The following RARB variants were observed in gnomAD, a reference collection of about 807,000 sequenced individuals.
RARB encodes the protein retinoic acid receptor beta.
Under a neutral mutation model 51.9 loss-of-function variants are expected in RARB, and 17 were observed. The ratio of observed to expected loss-of-function variants is 0.33; its 90% CI spans 0.22 to 0.49. RARB has a LOEUF of 0.49. Ranked by LOEUF, RARB falls within the 20% of genes least tolerant of loss-of-function variation. The pLI, the probability that RARB is intolerant of heterozygous loss-of-function variation, is 0.99. For synonymous variants in RARB, 215 were observed against 195.4 expected (o/e 1.10, Z -0.84); for missense variants, 369 against 550.8 (o/e 0.67, Z 3.30).
chr3:24,851,605 C>T (rs115439358), intron 1 of RARB, among the ~76,000 whole-genome samples: 4,161 of 152,168 alleles, frequency 0.027, 82 homozygotes, highest in Middle Eastern at 0.058. Flanking sequence ...CAGAAACTGG[C>T]AATAAATGTT....
At chr3:25,202,948 G>A (rs1701434498) in intron 5 of RARB, among the ~76,000 whole-genome samples, 1 of 152,140 alleles carries the variant, frequency 6.6e-6, no homozygotes, top group Admixed American at 6.5e-5. Context: ...ATGTCTATTA[G>A]GTCTGCTTGG....
chr3:25,517,362 T>C (rs1324927836), intron 3 of RARB, among the ~76,000 whole-genome samples: 1 of 151,914 alleles, frequency 6.6e-6, no homozygotes, highest in African/African-American at 2.4e-5. Flanking sequence ...CCAAAGAAAA[T>C]ATACAAATAA....
chr3:24,861,360 A>G (rs1043947680), intron 2 of RARB, among the ~76,000 whole-genome samples: 8 of 152,072 alleles, frequency 5.3e-5, no homozygotes, highest in African/African-American at 1.9e-4. Flanking sequence ...TCAGTCCTCT[A>G]TGGTACCAAA....
At chr3:24,914,890 A>C (rs1403260907) in intron 2 of RARB, among the ~76,000 whole-genome samples, 3 of 152,228 alleles carry the variant, frequency 2.0e-5, no homozygotes, top group Non-Finnish European at 4.4e-5. Flanking sequence ...CCTGTGCACT[A>C]TAAATGTACC....
intron 5 of RARB, among the ~76,000 whole-genome samples, chr3:25,238,840 A>G (rs997077232): frequency 3.9e-5 from 6 of 152,108 alleles, no homozygotes; most frequent in African/African-American, 1.2e-4. Context: ...TTAGCCAGGC[A>G]TGATGGCGCG....
upstream of RARB, among the ~76,000 whole-genome samples, chr3:25,426,641 C>G (rs952960439): frequency 2.0e-5 from 3 of 152,270 alleles, no homozygotes; most frequent in African/African-American, 7.2e-5. Context: ...GAGACTCTCC[C>G]TCCCTGCCTA....
At chr3:24,915,943 A>C (rs947889013) in intron 2 of RARB, among the ~76,000 whole-genome samples, 8 of 152,190 alleles carry the variant, frequency 5.3e-5, no homozygotes, top group Non-Finnish European at 1.0e-4. Context: ...AAGCAAGTTC[A>C]CAGGAGTCAG....
chr3:25,382,070 A>C (rs1431217466), intron 5 of RARB, among the ~76,000 whole-genome samples: 1 of 152,220 alleles, frequency 6.6e-6, no homozygotes, highest in Non-Finnish European at 1.5e-5. Flanking sequence ...CATTAGCATC[A>C]TATCATGTCT....
intron 3 of RARB, among the ~76,000 whole-genome samples, chr3:25,533,661 G>C (rs1699017558): frequency 6.6e-6 from 1 of 152,104 alleles, no homozygotes; most frequent in Non-Finnish European, 1.5e-5. Context: ...CCCAGTCATT[G>C]GCAGAAATCA....
rs1701929540 is a variant in RARB, at chr3:25,597,736, A to AAGTGTC, written c.*1124_*1129dup. The AAGTGTC allele has an allele frequency of 6.6e-6, 1 of 152,462 alleles. No homozygotes were observed. The highest frequency in any genetic ancestry group is 1.5e-5 in the Non-Finnish European group (1 of 68,038). The allele number at this position is 152,462 out of a possible 1,614,324, so 9.4% of individuals were successfully genotyped here. ...CTGTGGTAGAGTGGTTAACAGATACAAGTGTCAGTTTCTTAGTTCTCATTT... is the reference window on the plus strand; with the variant it reads ...CTGTGGTAGAGTGGTTAACAGATACAAGTGTCAGTGTCAGTTTCTTAGTTCTCATTT... On this transcript the variant is annotated 3_prime_UTR_variant, in exon 8 of 8. Transcript: ENST00000330688.
intron 5 of RARB, among the ~76,000 whole-genome samples, chr3:25,383,462 G>C (rs1706690861): frequency 6.6e-6 from 1 of 152,140 alleles, no homozygotes; most frequent in Admixed American, 6.5e-5. Flanking sequence ...TATTTTCCCA[G>C]ATTTCAAGTT....
Position 25,428,324 on chromosome 3 carries a change from G to C in RARB, c.-408G>C. ...AGGAGGGTCTATTCTTTGCCAAAGG[G>C]GGGACCAGAATTCCCCCATGCGAGC... On this transcript the variant is annotated 5_prime_UTR_variant, in exon 1 of 8. Coordinates refer to ENST00000330688, the MANE Select transcript of RARB (RefSeq NM_000965.5). 8.0e-7 allele frequency: 1 copy of C among 1,245,832 alleles called. No individual in the cohort carries two copies. The highest frequency in any genetic ancestry group is 1.5e-5 in the African/African-American group (1 of 64,920). The allele number at this position is 1,245,832 out of a possible 1,614,324, so 77.2% of individuals were successfully genotyped here. A position where few individuals can be genotyped will look rare whatever the true frequency, so the allele number is the denominator to read the frequency against.
Position 25,286,394 on chromosome 3 carries a change from G to C in RARB, c.178+111819G>C, listed in dbSNP as rs1243763129. Reference sequence around the variant, plus strand: ...TGAGACACTGTGCCCAGCCCAACTTGATCCTTCTCTTACAACCTCTCTTGA... The same window carrying C: ...TGAGACACTGTGCCCAGCCCAACTTCATCCTTCTCTTACAACCTCTCTTGA... On this transcript the variant is annotated intron_variant, in intron 5 of 11. Transcript: ENST00000383772. Among the ~76,000 whole-genome samples, 3 of 152,038 alleles carry C rather than the reference G, an allele frequency of 2.0e-5. 1 individual carries two copies. The highest frequency in any genetic ancestry group is 4.4e-5 in the Non-Finnish European group (3 of 67,996).
At chr3:25,326,243 G>A (rs1402419353) in intron 5 of RARB, among the ~76,000 whole-genome samples, 1 of 152,194 alleles carries the variant, frequency 6.6e-6, no homozygotes, top group Non-Finnish European at 1.5e-5. Flanking sequence ...ACCTGCTAAA[G>A]TCAAAAGTGG....
intron 2 of RARB, among the ~76,000 whole-genome samples, chr3:24,903,669 CT>C (rs1000391758): frequency 6.6e-6 from 1 of 152,050 alleles, no homozygotes. Context: ...AGCATGGTGT[CT>C]TTAGGGCTTT....
chr3:25,005,174 C>G (rs1304789032), intron 2 of RARB, among the ~76,000 whole-genome samples: 2 of 152,192 alleles, frequency 1.3e-5, no homozygotes, highest in Admixed American at 6.6e-5. Flanking sequence ...ATTGCCACTT[C>G]TCTTGAATGA....
At chr3:24,955,962 G>C (rs977834391) in intron 2 of RARB, among the ~76,000 whole-genome samples, 1 of 152,044 alleles carries the variant, frequency 6.6e-6, no homozygotes, top group East Asian at 1.9e-4. Context: ...AATCTTTCTT[G>C]GTTATTTGAT....
chr3:25,537,932 A>G (rs1392880043), intron 3 of RARB, among the ~76,000 whole-genome samples: 1 of 152,200 alleles, frequency 6.6e-6, no homozygotes, highest in Non-Finnish European at 1.5e-5. Flanking sequence ...TTATCCAAGT[A>G]GAAAGTGCTA....
intron 2 of RARB, among the ~76,000 whole-genome samples, chr3:25,477,441 C>T (rs1696008037): frequency 6.6e-6 from 1 of 152,154 alleles, no homozygotes; most frequent in African/African-American, 2.4e-5. Context: ...TTCTTAGCCC[C>T]AAGTTGAACT....
Sources: gnomAD v4.1 joint callset for allele counts (sites outside exome capture counted in the v4.1 genomes callset) on GRCh38, gnomAD v4.1.1 for gene constraint, MANE v1.5 for transcripts, NCBI Gene and HGNC (gene_info 2026-07-23, HGNC 2026-07-21) for gene names.